The following WDPCP variants were observed in gnomAD, a reference collection of about 807,000 sequenced individuals.
The protein encoded by WDPCP is WD repeat-containing and planar cell polarity effector protein fritz homolog.
Under a neutral mutation model 93.1 loss-of-function variants are expected in WDPCP, and 71 were observed. The observed-to-expected ratio is 0.76, with a 90% CI of 0.63 to 0.93. The LOEUF (loss-of-function observed/expected upper bound fraction) is 0.93. Ranked by LOEUF, WDPCP falls within the 40% of genes least tolerant of loss-of-function variation. The pLI is 0.00. For missense variants in WDPCP, 844 were observed against 887.4 expected (o/e 0.95, Z 0.62); for synonymous variants, 315 against 315.0 (o/e 1.00, Z 0.00).
chr2:63,840,390 T>C, the WDPCP span, among the ~76,000 whole-genome samples: 4 of 152,192 alleles, frequency 2.6e-5, no homozygotes, highest in African/African-American at 7.2e-5. Flanking sequence ...AGTTCCACGT[T>C]GAAGAGAAAA....
At chr2:63,507,249 G>A (rs1286433561) in intron 1 of WDPCP, among the ~76,000 whole-genome samples, 1 of 151,862 alleles carries the variant, frequency 6.6e-6, no homozygotes, top group Non-Finnish European at 1.5e-5. Flanking sequence ...GTAAAAGTTT[G>A]CAGAGAAGGA....
chr2:63,416,199 C>CTT (rs142173557), intron 9 of WDPCP, among the ~76,000 whole-genome samples: 78 of 149,658 alleles, frequency 5.2e-4, no homozygotes, highest in Non-Finnish European at 7.3e-4. Flanking sequence ...TCTTTTTTTT[C>CTT]CTTTTTTTTT....
chr2:63,313,924 C>G (rs1686421870), intron 12 of WDPCP, among the ~76,000 whole-genome samples: 1 of 21,886 alleles, frequency 4.6e-5, no homozygotes, highest in Non-Finnish European at 7.4e-5. Flanking sequence ...GCTCTGTCAC[C>G]AGGCTGGAGT....
intron 2 of WDPCP, among the ~76,000 whole-genome samples, chr2:63,796,879 T>C (rs975828366): frequency 2.6e-5 from 4 of 151,620 alleles, no homozygotes. Context: ...GCCAAGGGAG[T>C]GTTTGCACCA....
chr2:63,214,995 C>T (rs1424207937), intron 14 of WDPCP, among the ~76,000 whole-genome samples: 1 of 152,166 alleles, frequency 6.6e-6, no homozygotes, highest in Non-Finnish European at 1.5e-5. Flanking sequence ...AATGGAAGAA[C>T]ATTCCATGCT....
chr2:63,354,647 CAT>C (rs1236631838), intron 12 of WDPCP, among the ~76,000 whole-genome samples: 3 of 152,106 alleles, frequency 2.0e-5, no homozygotes, highest in South Asian at 2.1e-4. Flanking sequence ...CCCCCACACA[CAT>C]ATATGTGTGT....
At chr2:63,301,042 C>T (rs1685292686) in intron 13 of WDPCP, among the ~76,000 whole-genome samples, 1 of 152,142 alleles carries the variant, frequency 6.6e-6, no homozygotes, top group African/African-American at 2.4e-5. Flanking sequence ...GTCAAGGTCA[C>T]TCTGCCCTTG....
At chr2:63,609,636 T>A (rs1295148131) in intron 3 of WDPCP, among the ~76,000 whole-genome samples, 1 of 152,138 alleles carries the variant, frequency 6.6e-6, no homozygotes, top group Non-Finnish European at 1.5e-5. Flanking sequence ...ATGCGTGTAA[T>A]CCCAACACTT....
chr2:63,559,535 G>T (rs1266850691), intron 1 of WDPCP, among the ~76,000 whole-genome samples: 2 of 152,124 alleles, frequency 1.3e-5, no homozygotes, highest in East Asian at 3.9e-4. Context: ...CTTCACCTCA[G>T]CCCAAAAGTG....
intron 3 of WDPCP, among the ~76,000 whole-genome samples, chr2:63,648,109 G>T (rs1710073046): frequency 6.6e-6 from 1 of 152,196 alleles, no homozygotes; most frequent in Non-Finnish European, 1.5e-5. Context: ...CTATAGGAGA[G>T]TATCATAGAA....
At chr2:63,566,664 C>T (rs539432014) in intron 1 of WDPCP, among the ~76,000 whole-genome samples, 6 of 152,302 alleles carry the variant, frequency 3.9e-5, no homozygotes, top group South Asian at 4.1e-4. Flanking sequence ...TTCTCCAATT[C>T]TCTGGACACC....
At chr2:63,593,746 AT>A (rs1709247634), upstream of WDPCP, 1 of 464,880 alleles carries the variant, frequency 2.2e-6, no homozygotes, top group Non-Finnish European at 4.5e-6. Context: ...TCTAAACATT[AT>A]TGTTTTGTTC....
At chr2:63,822,815 C>T (rs1279006399) in intron 1 of WDPCP, among the ~76,000 whole-genome samples, 12 of 151,678 alleles carry the variant, frequency 7.9e-5, no homozygotes, top group Admixed American at 7.9e-4. Context: ...GAGCCAACTG[C>T]ATTTCAGCTT....
intron 2 of WDPCP, among the ~76,000 whole-genome samples, chr2:63,653,546 A>C (rs1171235704): frequency 1.3e-5 from 2 of 152,226 alleles, no homozygotes; most frequent in East Asian, 3.8e-4. Context: ...TGCTAGTGTA[A>C]AGATAATCTT....
intron 13 of WDPCP, among the ~76,000 whole-genome samples, chr2:63,265,628 C>T (rs1682042420): frequency 6.6e-6 from 1 of 152,118 alleles, no homozygotes; most frequent in South Asian, 2.1e-4. Flanking sequence ...GCCCTTCCAA[C>T]AAACTGAAGA....
intron 6 of WDPCP, among the ~76,000 whole-genome samples, chr2:63,456,760 T>A (rs1698648856): frequency 6.6e-6 from 1 of 152,162 alleles, no homozygotes; most frequent in Non-Finnish European, 1.5e-5. Flanking sequence ...CTCACTCTTG[T>A]AATCCCAGCA....
chr2:63,189,577 G>T (rs1196522335), intron 14 of WDPCP, among the ~76,000 whole-genome samples: 1 of 152,128 alleles, frequency 6.6e-6, no homozygotes, highest in Admixed American at 6.6e-5. Flanking sequence ...GATCTACATA[G>T]ATATATATAT....
intron 1 of WDPCP, among the ~76,000 whole-genome samples, chr2:63,511,531 T>A (rs892206126): frequency 1.5e-4 from 23 of 152,196 alleles, no homozygotes; most frequent in Admixed American, 1.3e-4. Flanking sequence ...AACAGCATGG[T>A]ACTGGTACCA....
chr2:63,738,271 A>G (rs551701333), intron 2 of WDPCP, among the ~76,000 whole-genome samples: 20 of 152,182 alleles, frequency 1.3e-4, no homozygotes, highest in African/African-American at 3.9e-4. Flanking sequence ...AGCATGACTC[A>G]TGGAGATGAT....
Sources: allele counts gnomAD v4.1 joint callset (sites outside exome capture counted in the v4.1 genomes callset), GRCh38; gene constraint gnomAD v4.1.1; transcripts MANE v1.5; gene names NCBI Gene and HGNC (gene_info 2026-07-23, HGNC 2026-07-21).